The following OR2L13 variants were observed in gnomAD, a reference collection of about 807,000 sequenced individuals.
OR2L13 encodes the protein olfactory receptor family 2 subfamily L member 13.
Under a neutral mutation model 15.3 loss-of-function variants are expected in OR2L13, and 14 were observed. That is an observed-to-expected ratio of 0.91 (90% CI 0.60 to 1.43). The LOEUF (loss-of-function observed/expected upper bound fraction) is 1.43, where lower values mean the gene tolerates loss of function less well. Ranked by LOEUF, OR2L13 falls within the 40% of genes most tolerant of loss-of-function variation. The pLI is 0.00. For missense variants in OR2L13, 367 were observed against 387.9 expected (o/e 0.95, Z 0.45); for synonymous variants, 152 against 142.9 (o/e 1.06, Z -0.45).
At chr1:248,064,198 G>T in the OR2L13 span, among the ~76,000 whole-genome samples, 2,079 of 152,246 alleles carry the variant, frequency 0.014, 54 homozygotes, top group African/African-American at 0.047. Context: ...ATAGTATTAG[G>T]AGTTGGGGCC....
At chr1:248,049,541 G>A in the OR2L13 span, among the ~76,000 whole-genome samples, 7 of 152,086 alleles carry the variant, frequency 4.6e-5, no homozygotes, top group Admixed American at 4.6e-4. Flanking sequence ...TTCATTTAGA[G>A]TTTCTGAGAA....
At chr1:248,095,655 G>T (rs570848825), upstream of OR2L13, among the ~76,000 whole-genome samples, 1 of 68,974 alleles carries the variant, frequency 1.4e-5, no homozygotes, top group African/African-American at 4.3e-5. Context: ...CACCCAGGCT[G>T]GAGTGCAGGG....
the OR2L13 span, chr1:247,965,804 TCATGGTTG>T: frequency 6.2e-7 from 1 of 1,608,360 alleles, no homozygotes; most frequent in Non-Finnish European, 8.5e-7. Context: ...ATCTGCTGCC[TCATGGTTG>T]CATGTGCATG....
the OR2L13 span, among the ~76,000 whole-genome samples, chr1:247,974,492 G>A: frequency 6.6e-6 from 1 of 151,610 alleles, no homozygotes; most frequent in Non-Finnish European, 1.5e-5. Flanking sequence ...TGTTTACTAC[G>A]GTGTATTTTT....
At chr1:248,090,636 A>C (rs1257424025), upstream of OR2L13, among the ~76,000 whole-genome samples, 2 of 152,220 alleles carry the variant, frequency 1.3e-5, no homozygotes, top group African/African-American at 4.8e-5. Context: ...TTGTGGCTGC[A>C]TAGTATTTCG....
upstream of OR2L13, among the ~76,000 whole-genome samples, chr1:248,091,230 G>T (rs1351955729): frequency 6.6e-6 from 1 of 152,050 alleles, no homozygotes; most frequent in Non-Finnish European, 1.5e-5. Context: ...CCATTCTGTA[G>T]TTTGTCTGTT....
chr1:247,971,578 G>A, the OR2L13 span, among the ~76,000 whole-genome samples: 138,706 of 152,192 alleles, frequency 0.91, 63,415 homozygotes, highest in South Asian at 0.97. Context: ...ATAAAGTAAA[G>A]TGAGTATAAC....
the OR2L13 span, among the ~76,000 whole-genome samples, chr1:248,020,896 C>A: frequency 6.7e-6 from 1 of 150,184 alleles, no homozygotes; most frequent in Non-Finnish European, 1.5e-5. Flanking sequence ...TATATGGGAC[C>A]AACATGGCAC....
chr1:248,059,325 C>T, the OR2L13 span, among the ~76,000 whole-genome samples: 5 of 152,168 alleles, frequency 3.3e-5, no homozygotes, highest in Admixed American at 6.5e-5. Context: ...GAGTTTCTAA[C>T]GCACCTCTAC....
At chr1:248,038,166 A>G in the OR2L13 span, 1 of 792,336 alleles carries the variant, frequency 1.3e-6, no homozygotes, top group Non-Finnish European at 2.1e-6. Context: ...AGTTTCAGGC[A>G]TCCACTGGGA....
the OR2L13 span, among the ~76,000 whole-genome samples, chr1:247,999,546 C>A: frequency 3.3e-5 from 5 of 152,264 alleles, no homozygotes; most frequent in African/African-American, 7.2e-5. Flanking sequence ...ATGTGTAAGA[C>A]CAGTTATTCC....
At chr1:247,959,616 A>G in the OR2L13 span, among the ~76,000 whole-genome samples, 4,843 of 151,976 alleles carry the variant, frequency 0.032, 110 homozygotes, top group South Asian at 0.045. Context: ...ACATAGTCCC[A>G]TATTTCTTGG....
chr1:248,052,500 G>A, the OR2L13 span, among the ~76,000 whole-genome samples: 13 of 152,194 alleles, frequency 8.5e-5, no homozygotes, highest in East Asian at 1.9e-3. Flanking sequence ...AGGCCGAGCC[G>A]GGCAGATCAC....
At chr1:247,955,886 T>C in the OR2L13 span, among the ~76,000 whole-genome samples, 1 of 151,932 alleles carries the variant, frequency 6.6e-6, no homozygotes, top group African/African-American at 2.4e-5. Context: ...TCTCCCATTG[T>C]GTAGGTTGCC....
the OR2L13 span, chr1:247,990,211 T>G: frequency 1.5e-6 from 1 of 657,946 alleles, no homozygotes; most frequent in Non-Finnish European, 2.8e-6. Flanking sequence ...AAGGGGGAAC[T>G]ACTGTACTTC....
the OR2L13 span, chr1:248,041,782 G>A: frequency 6.6e-6 from 1 of 152,216 alleles, no homozygotes; most frequent in Non-Finnish European, 1.5e-5. Context: ...CTGGCCGTCA[G>A]AGAAATGCAA....
chr1:247,993,721 C>G, the OR2L13 span, among the ~76,000 whole-genome samples: 1 of 133,116 alleles, frequency 7.5e-6, no homozygotes, highest in Admixed American at 8.3e-5. Flanking sequence ...TCCTGTGGTG[C>G]TATTTGGACA....
chr1:248,095,947 G>A (rs1053551210), upstream of OR2L13, among the ~76,000 whole-genome samples: 2 of 151,812 alleles, frequency 1.3e-5, no homozygotes, highest in African/African-American at 4.8e-5. Flanking sequence ...GAAGAACTTC[G>A]GGCAAAGTGA....
At chr1:248,055,712 G>T in the OR2L13 span, 1 of 152,252 alleles carries the variant, frequency 6.6e-6, no homozygotes, top group Admixed American at 6.5e-5. Context: ...AGCTGAGATT[G>T]TGCCACTGTA....
Sources: gnomAD v4.1 joint callset for allele counts (sites outside exome capture counted in the v4.1 genomes callset) on GRCh38, gnomAD v4.1.1 for gene constraint, MANE v1.5 for transcripts, NCBI Gene and HGNC (gene_info 2026-07-23, HGNC 2026-07-21) for gene names.